The following SYT16 variants were observed in gnomAD, a reference collection of about 807,000 sequenced individuals.
The protein encoded by SYT16 is synaptotagmin 16, also known as synaptotagmin-16.
SYT16 carries 42 observed loss-of-function variants against 61.4 expected under a neutral mutation model. The observed-to-expected ratio is 0.68, with a 90% confidence interval of 0.53 to 0.89. The LOEUF (loss-of-function observed/expected upper bound fraction) is 0.89. Ranked by LOEUF, SYT16 falls within the 40% of genes least tolerant of loss-of-function variation. SYT16 has a pLI of 0.00. For synonymous variants in SYT16, 314 were observed against 302.3 expected (o/e 1.04, Z -0.40); for missense variants, 804 against 807.3 (o/e 1.00, Z 0.05).
intron 3 of SYT16, among the ~76,000 whole-genome samples, chr14:62,030,513 C>A (rs967996911): frequency 1.3e-5 from 2 of 152,206 alleles, no homozygotes; most frequent in African/African-American, 4.8e-5. Flanking sequence ...TAGAACTACA[C>A]CAGTCCAAAT....
At chr14:61,897,280 C>T (rs964588189) in intron 1 of SYT16, 5 of 152,140 alleles carry the variant, frequency 3.3e-5, no homozygotes, top group South Asian at 2.1e-4. Flanking sequence ...TGGTCTAGAA[C>T]GTGGAAGCAG....
At chr14:61,844,449 T>C (rs1400146236) in intron 1 of SYT16, among the ~76,000 whole-genome samples, 2 of 152,150 alleles carry the variant, frequency 1.3e-5, no homozygotes, top group African/African-American at 4.8e-5. Context: ...AAGTGGGCAT[T>C]CTCATTGTGT....
chr14:61,948,164 G>T (rs575836906), intron 1 of SYT16, among the ~76,000 whole-genome samples: 58 of 152,236 alleles, frequency 3.8e-4, no homozygotes, highest in African/African-American at 1.3e-3. Flanking sequence ...TGTGGCTCGT[G>T]TACCTAATTC....
At position 61,826,429 on chromosome 14, in the gene SYT16, T is replaced by G. The variant is rs575945319; in HGVS notation, c.-325+13619T>G. 1.8e-4 allele frequency among the ~76,000 whole-genome samples: 27 copies of G among 152,152 alleles called. 1 individual carries two copies. The highest frequency in any genetic ancestry group is 6.3e-4 in the African/African-American group (26 of 41,382). ...CAACATTATTTGAGAACCTGCTGTA[T>G]TTTTTCTGGGCCCAGTAATTTTCTT... On this transcript the variant is annotated intron_variant, in intron 1 of 7. Coordinates refer to ENST00000683842, the MANE Select transcript of SYT16 (RefSeq NM_001367656.1).
chr14:61,928,829 C>T (rs957721792), intron 1 of SYT16, among the ~76,000 whole-genome samples: 17 of 152,068 alleles, frequency 1.1e-4, no homozygotes, highest in Middle Eastern at 3.2e-3. Context: ...CTCAGGAACA[C>T]GATAATGAGG....
chr14:61,918,060 G>A (rs1004645704), intron 1 of SYT16, among the ~76,000 whole-genome samples: 1 of 152,164 alleles, frequency 6.6e-6, no homozygotes, highest in African/African-American at 2.4e-5. Flanking sequence ...GAATTTTGGA[G>A]CACTTCAGAT....
At chr14:61,888,787 A>AG (rs77017778) in intron 1 of SYT16, among the ~76,000 whole-genome samples, 35 of 149,820 alleles carry the variant, frequency 2.3e-4, no homozygotes, top group Non-Finnish European at 4.5e-5. Context: ...AAAAAAAAAA[A>AG]GCAATATCTG....
intron 1 of SYT16, among the ~76,000 whole-genome samples, chr14:61,854,397 A>G (rs1466234913): frequency 6.6e-6 from 1 of 152,232 alleles, no homozygotes; most frequent in Non-Finnish European, 1.5e-5. Context: ...TTATTATACT[A>G]ACTTTACCTA....
chr14:62,074,287 G>A (rs1343721532), intron 4 of SYT16, among the ~76,000 whole-genome samples: 1 of 152,188 alleles, frequency 6.6e-6, no homozygotes, highest in African/African-American at 2.4e-5. Flanking sequence ...GGAAGTCTCA[G>A]GAGTTGGTGG....
At chr14:61,888,299 G>C (rs1046688308) in intron 1 of SYT16, among the ~76,000 whole-genome samples, 13 of 152,006 alleles carry the variant, frequency 8.6e-5, no homozygotes, top group African/African-American at 3.1e-4. Flanking sequence ...TATATTTTTA[G>C]TAGAGACAGG....
intron 1 of SYT16, among the ~76,000 whole-genome samples, chr14:61,900,347 G>A (rs1411358246): frequency 3.3e-5 from 5 of 152,046 alleles, no homozygotes; most frequent in South Asian, 2.1e-4. Context: ...TAGTAGAGAC[G>A]GGGCTTTGCC....
chr14:61,834,945 G>T (rs2046077127), intron 1 of SYT16, among the ~76,000 whole-genome samples: 1 of 152,202 alleles, frequency 6.6e-6, no homozygotes, highest in Admixed American at 6.5e-5. Context: ...ATGTGTTTGG[G>T]AATATTTGTT....
chr14:61,995,818 G>T, intron 2 of SYT16, 58 bp from the exon 3 acceptor site: 1 of 460,410 alleles, frequency 2.2e-6, no homozygotes, highest in South Asian at 6.9e-5. Context: ...TAGGTATCTG[G>T]TGATGGGTCT....
chr14:61,923,867 T>C (rs975561624), intron 1 of SYT16, among the ~76,000 whole-genome samples: 1 of 152,210 alleles, frequency 6.6e-6, no homozygotes, highest in African/African-American at 2.4e-5. Flanking sequence ...TTCAAAACCA[T>C]GTTGACAAAA....
At chr14:61,987,549 G>A (rs2052365441) in intron 2 of SYT16, among the ~76,000 whole-genome samples, 1 of 152,172 alleles carries the variant, frequency 6.6e-6, no homozygotes, top group South Asian at 2.1e-4. Context: ...AGGCCATAGA[G>A]TTTAGAGTTA....
At chr14:62,086,403 C>T (rs1002740332) in intron 7 of SYT16, among the ~76,000 whole-genome samples, 6 of 152,102 alleles carry the variant, frequency 3.9e-5, no homozygotes, top group African/African-American at 9.7e-5. Context: ...TCGCTTGAAC[C>T]GAGGAGGTGG....
intron 3 of SYT16, among the ~76,000 whole-genome samples, chr14:62,048,675 T>C (rs140178144): frequency 1.7e-4 from 26 of 152,334 alleles, no homozygotes; most frequent in African/African-American, 6.0e-4. Context: ...TGGTATGTCG[T>C]GTCTTTGTTC....
intron 1 of SYT16, among the ~76,000 whole-genome samples, chr14:61,820,609 G>A (rs1448931167): frequency 6.7e-6 from 1 of 149,784 alleles, no homozygotes; most frequent in Non-Finnish European, 1.5e-5. Flanking sequence ...AGCCTCCTGA[G>A]TAGCTGGGAT....
At chr14:61,813,236 G>A (rs1021597001) in intron 1 of SYT16, among the ~76,000 whole-genome samples, 2 of 152,278 alleles carry the variant, frequency 1.3e-5, no homozygotes, top group African/African-American at 4.8e-5. Context: ...TGGCTTGCAT[G>A]GCTCGGCTGC....
Sources: allele counts gnomAD v4.1 joint callset (sites outside exome capture counted in the v4.1 genomes callset), GRCh38; gene constraint gnomAD v4.1.1; transcripts MANE v1.5; gene names NCBI Gene and HGNC (gene_info 2026-07-23, HGNC 2026-07-21).